The following DDX20 variants were observed in gnomAD, a reference collection of about 807,000 sequenced individuals.
DDX20 encodes DEAD-box helicase 20.
Under a neutral mutation model 76.4 loss-of-function variants are expected in DDX20, and 61 were observed. The observed-to-expected ratio is 0.80, with a 90% CI of 0.65 to 0.99. DDX20 has a LOEUF of 0.99. Among genes scored for constraint, DDX20 ranks in the 50% least tolerant of loss-of-function variants. The pLI is 0.00. For synonymous variants in DDX20, 357 were observed against 357.4 expected (o/e 1.00, Z 0.01); for missense variants, 976 against 996.8 (o/e 0.98, Z 0.28).
In DDX20 at chr1:111,761,285, G is replaced by GT; in HGVS notation, c.1021+2dup. 6.2e-7 allele frequency: 1 copy of GT among 1,612,034 alleles called. No individual in the cohort carries two copies. ...GGCTTTCCTGCTGAGTGCATTTCAG[G>GT]TAAGTTCATCTCTTACTTTAATCTT... On this transcript the variant is annotated splice_donor_variant, in intron 7 of 10. Coordinates refer to ENST00000369702, the MANE Select transcript of DDX20 (RefSeq NM_007204.5). LOFTEE classifies it high-confidence loss of function.
chr1:111,756,299 C>T, intron 1 of DDX20, 74 bp downstream of exon 1: 1 of 1,359,510 alleles, frequency 7.4e-7, no homozygotes, highest in Non-Finnish European at 9.5e-7. Flanking sequence ...GGCGGCCAGG[C>T]CCGCGCCGCA....
intron 1 of DDX20, 45 bp downstream of exon 1, chr1:111,756,270 A>AG: frequency 1.7e-6 from 1 of 592,624 alleles, no homozygotes; most frequent in Non-Finnish European, 2.4e-6. Flanking sequence ...GGGTGGGAGA[A>AG]GGGGGACCGA....
intron 10 of DDX20, among the ~76,000 whole-genome samples, chr1:111,764,300 TA>T (rs994488578): frequency 1.3e-5 from 2 of 151,672 alleles, no homozygotes; most frequent in African/African-American, 4.8e-5. Flanking sequence ...AAAAGAAAAA[TA>T]CACATATAGT....
At chr1:111,760,344 A>C (rs1247472450) in intron 3 of DDX20, 130 bp from the exon 4 acceptor site, 2 of 642,980 alleles carry the variant, frequency 3.1e-6, no homozygotes, top group South Asian at 2.1e-5. Flanking sequence ...TAGTGTGTAC[A>C]TGCATAATGA....
rs1412208353 is a variant in DDX20, at chr1:111,761,072, G to A, written c.909G>A (p.Leu303=). The A allele has an allele frequency of 3.7e-6, 6 of 1,613,850 alleles. No individual in the cohort carries two copies. The highest frequency in any genetic ancestry group is 1.6e-4 in the Middle Eastern group (1 of 6,080). ...AAAAGACTCAGCATTTACAGGAACT[G>A]TTCAGCAGAATTCCATTTAATCAAG... is the stretch of plus-strand genomic sequence containing the variant. ...FEEKTQHLQE[L]FSRIPFNQAL... Residue 303 remains leucine, a synonymous_variant, in exon 6 of 11, where the codon CTG becomes CTA. Coordinates refer to ENST00000369702, the MANE Select transcript of DDX20 (RefSeq NM_007204.5).
At chr1:111,763,939 TA>T (rs1292840053) in intron 10 of DDX20, among the ~76,000 whole-genome samples, 1 of 152,214 alleles carries the variant, frequency 6.6e-6, no homozygotes, top group Non-Finnish European at 1.5e-5. Flanking sequence ...GTGCATGTTA[TA>T]CAGAAAATGT....
chr1:111,760,456 T>A lies in DDX20; in HGVS notation c.566-18T>A, dbSNP rs1663649332. On this transcript the variant is annotated intron_variant, in intron 3 of 10. Coordinates refer to ENST00000369702, the MANE Select transcript of DDX20 (RefSeq NM_007204.5). ...ATTTGGTACATCATAAATATTTCAA[T>A]TTTTTTTTTTTAATTAGGCAGAATT... is the stretch of plus-strand genomic sequence containing the variant. 4 of 877,218 alleles carry A rather than the reference T, an allele frequency of 4.6e-6. No individual in the cohort carries two copies. The highest frequency in any genetic ancestry group is 6.5e-6 in the Non-Finnish European group (4 of 616,890). 54.3% of individuals were successfully genotyped at this position (877,218 alleles called of 1,614,324 possible). A position where few individuals can be genotyped will look rare whatever the true frequency, so the allele number is the denominator to read the frequency against.
At chr1:111,763,791 T>C (rs1379521862) in intron 10 of DDX20, among the ~76,000 whole-genome samples, 3 of 152,190 alleles carry the variant, frequency 2.0e-5, no homozygotes, top group Non-Finnish European at 4.4e-5. Context: ...AAATGTTTTC[T>C]TTTGATTTCA....
chr1:111,758,988 C>T (rs1389020436), intron 2 of DDX20, among the ~76,000 whole-genome samples: 2 of 151,852 alleles, frequency 1.3e-5, no homozygotes, highest in East Asian at 1.9e-4. Context: ...CTGATTCAGC[C>T]AACTGTGGAT....
intron 3 of DDX20, among the ~76,000 whole-genome samples, chr1:111,760,150 C>T (rs147192675): frequency 4.6e-5 from 7 of 152,236 alleles, no homozygotes; most frequent in Non-Finnish European, 7.4e-5. Context: ...CCTTCTAAGC[C>T]ATGGATTGGG....
At chr1:111,765,118 C>T (rs1336649472) in intron 10 of DDX20, among the ~76,000 whole-genome samples, 1 of 152,146 alleles carries the variant, frequency 6.6e-6, no homozygotes, top group Non-Finnish European at 1.5e-5. Context: ...ATTGTCACAC[C>T]TGGATGGAAT....
chr1:111,756,574 T>TC, intron 1 of DDX20, 72 bp from the exon 2 acceptor site: 1 of 1,322,232 alleles, frequency 7.6e-7, no homozygotes, highest in Non-Finnish European at 1.1e-6. Flanking sequence ...CTTCTAGTTC[T>TC]CTGATTCCAT....
rs1663657348 is a variant in DDX20 at position 111,760,790 on chromosome 1, A to G, written c.765A>G (p.Thr255=). ...TYPEFLANAL[T]KYMRDPTFVR... is the part of the protein sequence containing the mutation. ...CCGAATTTTTGGCTAATGCTTTGACAAAGTACATGAGAGATCCCACTTTTG... is the reference window on the plus strand; with the variant it reads ...CCGAATTTTTGGCTAATGCTTTGACGAAGTACATGAGAGATCCCACTTTTG... The change falls in exon 5 of 11, where the codon ACA becomes ACG. Residue 255 remains threonine (T), a synonymous_variant. Coordinates refer to ENST00000369702, the MANE Select transcript of DDX20 (RefSeq NM_007204.5). 1.2e-6 allele frequency: 2 copies of G among 1,614,014 alleles called. No homozygotes were observed. The highest frequency in any genetic ancestry group is 1.7e-6 in the Non-Finnish European group (2 of 1,179,976).
Position 111,766,759 on chromosome 1 carries a change from G to A in DDX20, c.2335G>A (p.Ala779Thr). 6.2e-7 allele frequency: 1 copy of A among 1,614,168 alleles called. No homozygotes were observed. The highest frequency in any genetic ancestry group is 8.5e-7 in the Non-Finnish European group (1 of 1,180,000). The change falls in exon 11 of 11, where the codon GCT (alanine) becomes ACT (threonine). Residue 779 changes from alanine to threonine, a missense_variant. By Grantham distance (58) the Ala-to-Thr change is moderately conservative. Around this residue, in one of 3 missense-constraint regions of DDX20, gnomAD observed 630 missense variants for 693.7 expected, o/e 0.91. Transcript: ENST00000369702. ...TCAGGATTATGAGGAGTACTGGAGA[G>A]CTTACTACAGGGCATGGCAAGAATA... is the stretch of plus-strand genomic sequence containing the variant. The part of the protein sequence containing the change: ...TYQDYEEYWR[A>T]YYRAWQEYYA...
In DDX20 at chr1:111,762,976, G is replaced by C; in HGVS notation, c.1281G>C (p.Gln427His). The change falls in exon 10 of 11, where the codon CAG becomes CAC. Residue 427 changes from glutamine (Q) to histidine (H), a missense_variant. This residue lies in a region of DDX20 where 630 missense variants were observed against 693.7 expected (regional missense o/e 0.91). Coordinates refer to ENST00000369702, the MANE Select transcript of DDX20 (RefSeq NM_007204.5). ...EEENMMMRIA[Q>H]KCNINLLPLP... ...AAAATATGATGATGAGAATTGCCCA[G>C]AAATGTAATATCAACCTTCTCCCTT... 1.9e-6 allele frequency: 3 copies of C among 1,613,882 alleles called. No homozygotes were observed. Among genetic ancestry groups the C allele is most frequent in the South Asian group, 1.1e-5 (1 of 91,060 alleles).
At chr1:111,760,420 G>T in intron 3 of DDX20, 54 bp from the exon 4 acceptor site, 1 of 1,256,090 alleles carries the variant, frequency 8.0e-7, no homozygotes, top group Non-Finnish European at 1.1e-6. Context: ...TATTGGCTGA[G>T]ATTTACACAA....
intron 10 of DDX20, among the ~76,000 whole-genome samples, chr1:111,763,210 G>A (rs1663710387): frequency 6.6e-6 from 1 of 152,194 alleles, no homozygotes; most frequent in South Asian, 2.1e-4. Context: ...GACATAGAGA[G>A]GGTAAGTAAA....
chr1:111,762,177 C>A, intron 7 of DDX20, 78 bp from the exon 8 acceptor site: 1 of 1,168,356 alleles, frequency 8.6e-7, no homozygotes, highest in Non-Finnish European at 1.3e-6. Context: ...GGGTGTTATG[C>A]TTTTTACTTT....
In DDX20 at chr1:111,766,733, A is replaced by C. The variant is rs1487542144; in HGVS notation, c.2309A>C (p.Tyr770Ser). The change falls in exon 11 of 11, where the codon TAT (tyrosine) becomes TCT (serine). Residue 770 changes from tyrosine to serine, a missense_variant. This residue lies in a region of DDX20 where 630 missense variants were observed against 693.7 expected (regional missense o/e 0.91). Coordinates refer to ENST00000369702, the MANE Select transcript of DDX20 (RefSeq NM_007204.5). Reference sequence around the variant, plus strand: ...ATACGTCTGAGTTTTTCTGATACCTATCAGGATTATGAGGAGTACTGGAGA... The same window carrying C: ...ATACGTCTGAGTTTTTCTGATACCTCTCAGGATTATGAGGAGTACTGGAGA... The part of the protein sequence containing the change: ...REIRLSFSDT[Y>S]QDYEEYWRAY... The C allele has an allele frequency of 1.2e-6, 2 of 1,614,034 alleles. No homozygotes were observed. Among genetic ancestry groups the C allele is most frequent in the Non-Finnish European group, 1.7e-6 (2 of 1,180,010 alleles).
Sources: allele counts gnomAD v4.1 joint callset (sites outside exome capture counted in the v4.1 genomes callset), GRCh38; gene constraint gnomAD v4.1.1; regional missense constraint gnomAD v4.1.1; transcripts MANE v1.5; gene names NCBI Gene and HGNC (gene_info 2026-07-23, HGNC 2026-07-21).